Variants in CAMK4 observed in about 807,000 individuals in gnomAD.
The protein encoded by CAMK4 is calcium/calmodulin dependent protein kinase IV, also known as calcium/calmodulin-dependent protein kinase type IV.
Under a neutral mutation model 44.9 loss-of-function variants are expected in CAMK4, and 22 were observed. The ratio of observed to expected loss-of-function variants is 0.49; its 90% CI spans 0.35 to 0.70. The LOEUF (loss-of-function observed/expected upper bound fraction) is 0.70. Among genes scored for constraint, CAMK4 ranks in the 30% least tolerant of loss-of-function variants. The pLI is 0.01. For missense variants in CAMK4, 498 were observed against 586.8 expected (o/e 0.85, Z 1.56); for synonymous variants, 218 against 215.4 (o/e 1.01, Z -0.11).
intron 1 of CAMK4, among the ~76,000 whole-genome samples, chr5:111,293,587 C>T (rs1007640209): frequency 2.6e-5 from 4 of 151,616 alleles, no homozygotes; most frequent in Admixed American, 6.6e-5. Context: ...CCACCACGTC[C>T]AGCTAATTTT....
chr5:111,268,645 A>T (rs976254962), intron 1 of CAMK4, among the ~76,000 whole-genome samples: 1 of 152,234 alleles, frequency 6.6e-6, no homozygotes, highest in African/African-American at 2.4e-5. Context: ...AACTAAGTAG[A>T]TGGAGAGAAA....
chr5:111,228,509 GGTGTGTGT>G (rs373248608), intron 1 of CAMK4, among the ~76,000 whole-genome samples: 10,439 of 145,334 alleles, frequency 0.072, 385 homozygotes, highest in African/African-American at 0.092. Context: ...CATAGTAAGG[GGTGTGTGT>G]GTGTGTGTGT....
intron 2 of CAMK4, among the ~76,000 whole-genome samples, chr5:111,354,653 G>A (rs1057334852): frequency 6.6e-6 from 1 of 151,934 alleles, no homozygotes; most frequent in Non-Finnish European, 1.5e-5. Flanking sequence ...AGGTTGCAGT[G>A]AGCTGAGAAC....
chr5:111,305,000 G>A (rs2112655515), intron 1 of CAMK4, among the ~76,000 whole-genome samples: 2 of 17,602 alleles, frequency 1.1e-4, no homozygotes, highest in Admixed American at 8.2e-4. Flanking sequence ...ATGACTACTG[G>A]GTACATAACG....
At chr5:111,386,130 T>C (rs1366655490) in intron 4 of CAMK4, among the ~76,000 whole-genome samples, 1 of 152,064 alleles carries the variant, frequency 6.6e-6, no homozygotes, top group Non-Finnish European at 1.5e-5. Context: ...GGCAAGAAAG[T>C]TTTTACAGAA....
chr5:111,277,015 T>C (rs1164387149), intron 1 of CAMK4, among the ~76,000 whole-genome samples: 2 of 152,176 alleles, frequency 1.3e-5, no homozygotes, highest in Non-Finnish European at 2.9e-5. Flanking sequence ...ATTAGACGTT[T>C]TAAATGAAAA....
At chr5:111,464,017 A>C (rs564107867) in intron 7 of CAMK4, among the ~76,000 whole-genome samples, 1 of 152,272 alleles carries the variant, frequency 6.6e-6, no homozygotes, top group East Asian at 1.9e-4. Flanking sequence ...GCAGAAAAAA[A>C]ATTCAGCAGG....
intron 6 of CAMK4, among the ~76,000 whole-genome samples, chr5:111,447,998 T>C (rs1384198357): frequency 6.6e-6 from 1 of 152,224 alleles, no homozygotes; most frequent in Non-Finnish European, 1.5e-5. Flanking sequence ...GTTTTCTTTC[T>C]GAAGGGCTTC....
intron 7 of CAMK4, among the ~76,000 whole-genome samples, chr5:111,452,689 A>G (rs1754278541): frequency 6.6e-6 from 1 of 152,196 alleles, no homozygotes; most frequent in South Asian, 2.1e-4. Flanking sequence ...CTTCATACAA[A>G]TAATGCCATC....
At chr5:111,386,380 C>G (rs911805950) in intron 4 of CAMK4, among the ~76,000 whole-genome samples, 17 of 152,204 alleles carry the variant, frequency 1.1e-4, no homozygotes, top group Non-Finnish European at 2.1e-4. Context: ...CATTATCTTT[C>G]TCACATAAAC....
At chr5:111,254,257 G>T (rs898465280) in intron 1 of CAMK4, among the ~76,000 whole-genome samples, 2 of 152,218 alleles carry the variant, frequency 1.3e-5, no homozygotes, top group Admixed American at 1.3e-4. Context: ...TACAAAGACA[G>T]AAACTGACAG....
intron 1 of CAMK4, among the ~76,000 whole-genome samples, chr5:111,309,062 G>C (rs543428892): frequency 6.6e-6 from 1 of 152,270 alleles, no homozygotes; most frequent in African/African-American, 2.4e-5. Context: ...TCTTGGACCT[G>C]AGTATCTTAG....
intron 5 of CAMK4, among the ~76,000 whole-genome samples, chr5:111,414,385 C>T (rs1752739424): frequency 6.6e-6 from 1 of 151,934 alleles, no homozygotes; most frequent in African/African-American, 2.4e-5. Flanking sequence ...CACCTCTCAG[C>T]AGCAGCAGCA....
At chr5:111,388,838 A>G (rs1232881749) in intron 4 of CAMK4, among the ~76,000 whole-genome samples, 1 of 152,148 alleles carries the variant, frequency 6.6e-6, no homozygotes, top group Non-Finnish European at 1.5e-5. Context: ...TTATTTCACT[A>G]ACTTAACGTA....
intron 1 of CAMK4, among the ~76,000 whole-genome samples, chr5:111,235,497 A>T (rs1172215755): frequency 6.6e-6 from 1 of 152,148 alleles, no homozygotes; most frequent in Non-Finnish European, 1.5e-5. Flanking sequence ...TTTCCCCTCA[A>T]TGTGAACATG....
chr5:111,426,801 C>T (rs1346245646), intron 5 of CAMK4, among the ~76,000 whole-genome samples: 1 of 152,224 alleles, frequency 6.6e-6, no homozygotes, highest in African/African-American at 2.4e-5. Flanking sequence ...AGAGGGGACA[C>T]TTAAACCAGT....
At chr5:111,438,288 G>A (rs1442120973) in intron 5 of CAMK4, among the ~76,000 whole-genome samples, 1 of 152,158 alleles carries the variant, frequency 6.6e-6, no homozygotes, top group East Asian at 1.9e-4. Context: ...ACATTGAATT[G>A]GAAATCCTTT....
intron 1 of CAMK4, among the ~76,000 whole-genome samples, chr5:111,321,519 C>T (rs569935544): frequency 6.9e-5 from 10 of 145,114 alleles, no homozygotes; most frequent in East Asian, 2.0e-4. Context: ...ATGTCACTGA[C>T]AAGCCTAAGT....
intron 5 of CAMK4, among the ~76,000 whole-genome samples, chr5:111,442,166 G>C (rs1490917150): frequency 6.6e-6 from 1 of 152,070 alleles, no homozygotes. Context: ...CCTGTTAGGG[G>C]GTTCTGTGAT....
Sources: allele counts gnomAD v4.1 joint callset (sites outside exome capture counted in the v4.1 genomes callset), GRCh38; gene constraint gnomAD v4.1.1; transcripts MANE v1.5; gene names NCBI Gene and HGNC (gene_info 2026-07-23, HGNC 2026-07-21).